Variants in ACYP2 observed in about 807,000 individuals in gnomAD.
ACYP2 encodes acylphosphatase-2.
In ACYP2, 12 loss-of-function variants were observed where a neutral mutation model predicts 11.2. That is an observed-to-expected ratio of 1.08 (90% CI 0.69 to 1.74). ACYP2 has a LOEUF of 1.74. ACYP2 is among the 40% of genes most tolerant of loss of function. ACYP2 has a pLI of 0.00. For missense variants in ACYP2, 134 were observed against 101.9 expected (o/e 1.31, Z -1.35); for synonymous variants, 43 against 32.2 (o/e 1.33, Z -1.13).
chr2:54,092,563 G>A (rs1415462689), intron 4 of ACYP2, among the ~76,000 whole-genome samples: 3 of 152,218 alleles, frequency 2.0e-5, no homozygotes, highest in Non-Finnish European at 4.4e-5. Flanking sequence ...GGTGCTAGGT[G>A]AGGGTGAGGG....
At position 53,982,828 on chromosome 2, in the gene ACYP2, C is replaced by CTCTGTGTG. The variant is rs375187346; in HGVS notation, c.62+9019_62+9020insCTGTGTGT. Among the ~76,000 whole-genome samples the CTCTGTGTG allele has an allele frequency of 3.1e-3, 430 of 140,602 alleles. 2 individuals carry two copies. The highest frequency in any genetic ancestry group is 0.011 in the African/African-American group (407 of 36,768). The allele number at this position is 140,602 out of a possible 152,430, so 92.2% of individuals were successfully genotyped here. ...CATACAACAAATCCTTCACACAAGA[C>CTCTGTGTG]TGTGTGTGTGTGTGTGTGTGTGTGT... is the stretch of plus-strand genomic sequence containing the variant. On this transcript the variant is annotated intron_variant, in intron 2 of 6. Transcript: ENST00000607452.
intron 4 of ACYP2, among the ~76,000 whole-genome samples, chr2:54,069,058 G>C (rs1043049983): frequency 6.6e-6 from 1 of 151,924 alleles, no homozygotes; most frequent in South Asian, 2.1e-4. Flanking sequence ...CTCTTGAGTA[G>C]CTGGGACTAC....
intron 4 of ACYP2, among the ~76,000 whole-genome samples, chr2:54,096,200 G>A: frequency 6.8e-6 from 1 of 146,056 alleles, no homozygotes; most frequent in African/African-American, 2.7e-5. Context: ...CTCAGACGGG[G>A]CGGCCGGGCA....
intron 4 of ACYP2, among the ~76,000 whole-genome samples, chr2:54,135,159 C>T (rs1681146623): frequency 6.6e-6 from 1 of 152,152 alleles, no homozygotes; most frequent in African/African-American, 2.4e-5. Context: ...ATCTGATAAC[C>T]AAGAGAGTGT....
At chr2:54,219,756 T>A (rs1685701928) in intron 6 of ACYP2, among the ~76,000 whole-genome samples, 1 of 151,442 alleles carries the variant, frequency 6.6e-6, no homozygotes, top group African/African-American at 2.4e-5. Context: ...GTGGCTGGGA[T>A]TACAGGTGTG....
At chr2:54,150,081 T>C (rs1438120506) in intron 6 of ACYP2, among the ~76,000 whole-genome samples, 6 of 152,206 alleles carry the variant, frequency 3.9e-5, no homozygotes, top group African/African-American at 1.4e-4. Context: ...ATTTTATCAA[T>C]ACCTAGGAGT....
At chr2:54,278,520 C>A (rs1005154973) in intron 6 of ACYP2, among the ~76,000 whole-genome samples, 1 of 152,066 alleles carries the variant, frequency 6.6e-6, no homozygotes, top group Non-Finnish European at 1.5e-5. Context: ...CCTGGCTCAG[C>A]GAGTTGGAAT....
At chr2:54,293,011 A>G (rs1305015805) in intron 6 of ACYP2, among the ~76,000 whole-genome samples, 1 of 152,202 alleles carries the variant, frequency 6.6e-6, no homozygotes, top group Non-Finnish European at 1.5e-5. Flanking sequence ...ATACCCTGAC[A>G]TTAGCTTAAA....
chr2:54,254,398 G>T, intron 6 of ACYP2: 1 of 153,966 alleles, frequency 6.5e-6, no homozygotes, highest in Non-Finnish European at 1.4e-5. Context: ...GTAGCAGGCA[G>T]CAATAGGTGA....
At chr2:54,155,210 G>T (rs1012931883) in intron 6 of ACYP2, among the ~76,000 whole-genome samples, 1 of 151,572 alleles carries the variant, frequency 6.6e-6, no homozygotes, top group African/African-American at 2.4e-5. Flanking sequence ...CTAACTGTAG[G>T]TTTGTCGATT....
intron 6 of ACYP2, among the ~76,000 whole-genome samples, chr2:54,288,102 T>A (rs1419695139): frequency 6.6e-6 from 1 of 151,990 alleles, no homozygotes; most frequent in Non-Finnish European, 1.5e-5. Context: ...ACCTTTCCTC[T>A]ATCCAGGGAA....
chr2:53,993,145 G>T (rs1672388349), intron 2 of ACYP2, among the ~76,000 whole-genome samples: 1 of 152,154 alleles, frequency 6.6e-6, no homozygotes. Context: ...GGCAGAGGTT[G>T]CGGTGAGCCG....
intron 2 of ACYP2, among the ~76,000 whole-genome samples, chr2:53,996,722 A>C (rs1672591126): frequency 6.6e-6 from 1 of 152,186 alleles, no homozygotes; most frequent in Admixed American, 6.6e-5. Context: ...TGCCTGCTAC[A>C]TCAGCTGTGC....
At chr2:54,187,444 C>T (rs555050847) in intron 6 of ACYP2, among the ~76,000 whole-genome samples, 5 of 152,286 alleles carry the variant, frequency 3.3e-5, no homozygotes, top group South Asian at 2.1e-4. Flanking sequence ...CCTGAGACTA[C>T]GTCCAGGGAT....
chr2:54,157,401 A>C (rs1050929995), intron 6 of ACYP2, among the ~76,000 whole-genome samples: 7 of 152,222 alleles, frequency 4.6e-5, no homozygotes, highest in Non-Finnish European at 1.0e-4. Flanking sequence ...GTTCTTTTAA[A>C]TCACTGCAGA....
chr2:54,268,682 C>G lies in ACYP2; in HGVS notation c.405-36006C>G, dbSNP rs1285409314. 6.7e-5 allele frequency among the ~76,000 whole-genome samples: 10 copies of G among 149,804 alleles called. No homozygotes were observed. The South Asian group carries it at 2.1e-3, about 32-fold the overall frequency. On this transcript the variant is annotated intron_variant, in intron 6 of 6. Coordinates refer to ENST00000607452, the MANE Select transcript of ACYP2 (RefSeq NM_001320586.2). ...AAAATTAGCTGGGAATGGTGGCATG[C>G]GTCTGGAGTCCCAGCTACTTGGGAG...
At chr2:54,186,638 C>T (rs539993146) in intron 6 of ACYP2, among the ~76,000 whole-genome samples, 7 of 152,068 alleles carry the variant, frequency 4.6e-5, no homozygotes, top group East Asian at 1.9e-4. Flanking sequence ...CTCAGCCTCC[C>T]GAGTAGCTGG....
At chr2:54,168,608 TAGAC>T (rs35144373) in intron 6 of ACYP2, among the ~76,000 whole-genome samples, 31,641 of 151,928 alleles carry the variant, frequency 0.21, 3,758 homozygotes, top group South Asian at 0.37. Context: ...GGATAATATT[TAGAC>T]AGGTGTAGTA....
At chr2:54,188,045 T>A (rs778980062) in intron 6 of ACYP2, among the ~76,000 whole-genome samples, 12 of 152,244 alleles carry the variant, frequency 7.9e-5, no homozygotes, top group Non-Finnish European at 1.2e-4. Context: ...GTCGTAGCCC[T>A]GATCTTGGAC....
Sources: allele counts gnomAD v4.1 joint callset (sites outside exome capture counted in the v4.1 genomes callset), GRCh38; gene constraint gnomAD v4.1.1; transcripts MANE v1.5; gene names NCBI Gene and HGNC (gene_info 2026-07-23, HGNC 2026-07-21).